MIB1: variants seen among roughly 807,000 people sequenced by gnomAD.
MIB1 encodes MIB E3 ubiquitin protein ligase 1, also known as E3 ubiquitin-protein ligase MIB1.
In MIB1, 278 loss-of-function variants were observed where a neutral mutation model predicts 124.5. The ratio of observed to expected loss-of-function variants is 2.23; its 90% CI spans 2.02 to 2.47. The LOEUF (loss-of-function observed/expected upper bound fraction) is 2.47. MIB1 is among the 30% of genes most tolerant of loss of function. The pLI, the probability that MIB1 is intolerant of heterozygous loss-of-function variation, is 0.00. For synonymous variants in MIB1, 446 were observed against 429.4 expected (o/e 1.04, Z -0.48); for missense variants, 957 against 1,254.4 (o/e 0.76, Z 3.58).
At chr18:21,808,259 A>C (rs2041731051) in intron 10 of MIB1, among the ~76,000 whole-genome samples, 1 of 152,152 alleles carries the variant, frequency 6.6e-6, no homozygotes, top group Admixed American at 6.5e-5. Flanking sequence ...AAGTAGGCTC[A>C]AGAGAGTATA....
At chr18:21,839,092 A>G (rs9954869) in intron 13 of MIB1, among the ~76,000 whole-genome samples, 2,581 of 152,306 alleles carry the variant, frequency 0.017, 68 homozygotes, top group African/African-American at 0.055. Context: ...ATGTGCAAGC[A>G]TAAACCATAT....
In MIB1 at chr18:21,858,589, C is replaced by T. The variant is rs746500105; in HGVS notation, c.2823C>T (p.Thr941=). The stretch of plus-strand genomic sequence containing the variant: ...TATTACAAAAGGACAAGGATAATAC[C>T]AATGTCAATGCAGATGTGCAAAAGT... ...IPVLQKDKDN[T]NVNADVQKLQ... is the part of the protein sequence containing the mutation. The change falls in exon 20 of 21, where the codon ACC becomes ACT. Residue 941 remains threonine, a synonymous_variant. Transcript: ENST00000261537. 6.2e-7 allele frequency: 1 copy of T among 1,600,848 alleles called. No individual in the cohort carries two copies. Among genetic ancestry groups the T allele is most frequent in the Non-Finnish European group, 8.6e-7 (1 of 1,168,830 alleles).
At chr18:21,759,043 A>G (rs2041067002) in intron 1 of MIB1, among the ~76,000 whole-genome samples, 1 of 152,116 alleles carries the variant, frequency 6.6e-6, no homozygotes, top group Non-Finnish European at 1.5e-5. Flanking sequence ...TACTAATAAC[A>G]TTTGAACACC....
intron 4 of MIB1, among the ~76,000 whole-genome samples, chr18:21,777,759 T>C (rs1400142047): frequency 1.3e-5 from 2 of 152,138 alleles, no homozygotes; most frequent in East Asian, 1.9e-4. Context: ...GGTTTCACCA[T>C]GTTGGCCAGG....
chr18:21,844,060 CTT>C (rs758440550), intron 14 of MIB1, 30 bp from the exon 15 acceptor site: 3 of 1,610,492 alleles, frequency 1.9e-6, no homozygotes, highest in Non-Finnish European at 8.5e-7. Context: ...GATGTGGACA[CTT>C]TGCCAAAATG....
At position 21,866,957 on chromosome 18, in the gene MIB1, C is replaced by A. The variant is rs2042325473; in HGVS notation, c.*2291C>A. ...AGAACTTCATCATTTCAGTGACTTT[C>A]CTCCAACTCTCTGAATCTGCTACCT... On this transcript the variant is annotated 3_prime_UTR_variant, in exon 21 of 21. Coordinates refer to ENST00000261537, the MANE Select transcript of MIB1 (RefSeq NM_020774.4). 1 of 152,500 alleles carries A rather than the reference C, an allele frequency of 6.6e-6. No individual in the cohort carries two copies. Among genetic ancestry groups the A allele is most frequent in the African/African-American group, 2.4e-5 (1 of 41,408 alleles). 9.4% of individuals were successfully genotyped at this position (152,500 alleles called of 1,614,324 possible).
intron 1 of MIB1, among the ~76,000 whole-genome samples, chr18:21,728,635 G>C (rs2040753847): frequency 6.6e-6 from 1 of 152,196 alleles, no homozygotes; most frequent in Non-Finnish European, 1.5e-5. Context: ...ACTTCATCAA[G>C]ATAGGGCCTC....
chr18:21,824,843 G>A (rs1005218614), intron 12 of MIB1, among the ~76,000 whole-genome samples: 3 of 151,836 alleles, frequency 2.0e-5, no homozygotes, highest in South Asian at 4.2e-4. Flanking sequence ...TAGTTTTATT[G>A]CAATCATTAA....
At chr18:21,858,445 A>G in intron 19 of MIB1, 101 bp from the exon 20 acceptor site, 5 of 613,940 alleles carry the variant, frequency 8.1e-6, no homozygotes, top group Non-Finnish European at 1.4e-5. Flanking sequence ...TTTTAATAAT[A>G]GTTTTATGTT....
At chr18:21,848,857 G>A (rs2042157417) in intron 16 of MIB1, among the ~76,000 whole-genome samples, 1 of 152,056 alleles carries the variant, frequency 6.6e-6, no homozygotes, top group Non-Finnish European at 1.5e-5. Context: ...GCCTTCCTCT[G>A]CTGGTTCTAT....
At chr18:21,740,008 G>A (rs936269517), upstream of MIB1, among the ~76,000 whole-genome samples, 1 of 151,654 alleles carries the variant, frequency 6.6e-6, no homozygotes, top group Non-Finnish European at 1.5e-5. Context: ...TTTTACGTCC[G>A]TTTTCTTGTC....
chr18:21,747,046 A>G (rs1267060500), intron 1 of MIB1, among the ~76,000 whole-genome samples: 1 of 152,230 alleles, frequency 6.6e-6, no homozygotes, highest in African/African-American at 2.4e-5. Flanking sequence ...GCCGTAGGAA[A>G]AAACAGGATT....
intron 11 of MIB1, among the ~76,000 whole-genome samples, chr18:21,818,820 A>G (rs543213358): frequency 6.6e-6 from 1 of 152,254 alleles, no homozygotes; most frequent in East Asian, 1.9e-4. Context: ...CTGTAATCCC[A>G]GTTACTTGGG....
In MIB1 at chr18:21,866,431, A is replaced by G. The variant is rs1386410074; in HGVS notation, c.*1765A>G. On this transcript the variant is annotated 3_prime_UTR_variant, in exon 21 of 21. Coordinates refer to ENST00000261537, the MANE Select transcript of MIB1 (RefSeq NM_020774.4). ...GTTTTTAAAACTATTTTGAAGTTAT[A>G]AAAAGGTAGAACATCTGACTGATGA... The G allele has an allele frequency of 6.6e-6, 1 of 152,234 alleles. No homozygotes were observed. Among genetic ancestry groups the G allele is most frequent in the Non-Finnish European group, 1.5e-5 (1 of 68,044 alleles). The allele number at this position is 152,234 out of a possible 1,614,324, so 9.4% of individuals were successfully genotyped here. A position where few individuals can be genotyped will look rare whatever the true frequency, so the allele number is the denominator to read the frequency against.
In MIB1 at chr18:21,866,382, A is replaced by G. The variant is rs2042321533; in HGVS notation, c.*1716A>G. ...TTTGAAAATTCATGTACACTCAGTT[A>G]TCTAATAAGGGGCCACCGACGCTGT... On this transcript the variant is annotated 3_prime_UTR_variant, in exon 21 of 21. Transcript: ENST00000261537. 6.6e-6 allele frequency: 1 copy of G among 152,262 alleles called. No individual in the cohort carries two copies. Among genetic ancestry groups the G allele is most frequent in the African/African-American group, 2.4e-5 (1 of 41,472 alleles). The allele number at this position is 152,262 out of a possible 1,614,324, so 9.4% of individuals were successfully genotyped here. A position where few individuals can be genotyped will look rare whatever the true frequency, so the allele number is the denominator to read the frequency against.
intron 1 of MIB1, among the ~76,000 whole-genome samples, chr18:21,746,250 A>G (rs1203488753): frequency 6.6e-6 from 1 of 152,174 alleles, no homozygotes; most frequent in Non-Finnish European, 1.5e-5. Flanking sequence ...ATCATTGTGA[A>G]TCTTTCTGAT....
At chr18:21,756,128 G>A (rs942268926) in intron 1 of MIB1, among the ~76,000 whole-genome samples, 2 of 152,188 alleles carry the variant, frequency 1.3e-5, no homozygotes, top group African/African-American at 4.8e-5. Flanking sequence ...TTTATCAATT[G>A]AGACTATTAA....
chr18:21,821,161 C>T (rs768922917), intron 12 of MIB1, among the ~76,000 whole-genome samples: 15 of 152,160 alleles, frequency 9.9e-5, no homozygotes, highest in Admixed American at 9.2e-4. Flanking sequence ...TTATACTATT[C>T]TTCTAATTTT....
intron 1 of MIB1, among the ~76,000 whole-genome samples, chr18:21,708,173 G>A (rs949689269): frequency 3.3e-5 from 5 of 152,118 alleles, no homozygotes; most frequent in Non-Finnish European, 7.3e-5. Flanking sequence ...AATATTTTAT[G>A]GCCATCATGG....
Sources: allele counts gnomAD v4.1 joint callset (sites outside exome capture counted in the v4.1 genomes callset), GRCh38; gene constraint gnomAD v4.1.1; transcripts MANE v1.5; gene names NCBI Gene and HGNC (gene_info 2026-07-23, HGNC 2026-07-21).